ABTB2: variants seen among roughly 807,000 people sequenced by gnomAD.
ABTB2 encodes ankyrin repeat and BTB/POZ domain-containing protein 2.
In ABTB2, 56 loss-of-function variants were observed where a neutral mutation model predicts 104.1. That is an observed-to-expected ratio of 0.54 (90% CI 0.43 to 0.67). The LOEUF (loss-of-function observed/expected upper bound fraction) is 0.67. Ranked by LOEUF, ABTB2 falls within the 30% of genes least tolerant of loss-of-function variation. The probability of loss-of-function intolerance (pLI) is 0.00; values close to 1 mark genes in which losing one functional copy is unlikely to be tolerated. For synonymous variants in ABTB2, 606 were observed against 608.2 expected (o/e 1.00, Z 0.05); for missense variants, 1,279 against 1,407.7 (o/e 0.91, Z 1.46).
At chr11:34,287,322 A>G (rs2133090586) in intron 1 of ABTB2, among the ~76,000 whole-genome samples, 2 of 152,294 alleles carry the variant, frequency 1.3e-5, no homozygotes, top group Non-Finnish European at 2.9e-5. Context: ...CTGTAATCCT[A>G]GCACTTTGAG....
At chr11:34,330,127 C>T (rs184031651) in intron 1 of ABTB2, among the ~76,000 whole-genome samples, 19 of 152,278 alleles carry the variant, frequency 1.2e-4, no homozygotes, top group Admixed American at 1.2e-3. Flanking sequence ...ACTTCTGGTC[C>T]CTGCTGGGTC....
At chr11:34,329,536 G>C (rs969964822) in intron 1 of ABTB2, among the ~76,000 whole-genome samples, 2 of 152,224 alleles carry the variant, frequency 1.3e-5, no homozygotes, top group African/African-American at 4.8e-5. Context: ...CTGGTTCAAT[G>C]ATGGGGCACA....
intron 1 of ABTB2, among the ~76,000 whole-genome samples, chr11:34,286,613 T>G (rs1455308145): frequency 6.6e-6 from 1 of 151,946 alleles, no homozygotes; most frequent in Non-Finnish European, 1.5e-5. Flanking sequence ...TTAAAAAAGA[T>G]CCCCCTTTCC....
intron 4 of ABTB2, among the ~76,000 whole-genome samples, chr11:34,171,494 A>C: frequency 6.6e-6 from 1 of 152,136 alleles, no homozygotes; most frequent in Non-Finnish European, 1.5e-5. Context: ...GAATAAATTG[A>C]ACCCTGGAGG....
intron 1 of ABTB2, among the ~76,000 whole-genome samples, chr11:34,257,439 A>G (rs1023059018): frequency 1.1e-4 from 17 of 152,232 alleles, no homozygotes; most frequent in Non-Finnish European, 2.9e-5. Flanking sequence ...CCAAGGAAAG[A>G]GAAGGCTTGC....
chr11:34,282,688 G>A (rs1234643147), intron 1 of ABTB2, among the ~76,000 whole-genome samples: 1 of 151,550 alleles, frequency 6.6e-6, no homozygotes, highest in African/African-American at 2.4e-5. Context: ...CACCACACCT[G>A]GCTAATTTTT....
intron 1 of ABTB2, among the ~76,000 whole-genome samples, chr11:34,239,830 ACAAGGAT>A (rs570881833): frequency 1.4e-3 from 219 of 152,252 alleles, no homozygotes; most frequent in African/African-American, 5.1e-3. Flanking sequence ...CCACCTCTTG[ACAAGGAT>A]CCACTGGAGA....
chr11:34,312,140 C>CAAAAAAAAAAAAAAAAAAAA (rs67673538), intron 1 of ABTB2, among the ~76,000 whole-genome samples: 1 of 111,170 alleles, frequency 9.0e-6, no homozygotes. Context: ...GACTCCATCT[C>CAAAAAAAAAAAAAAAAAAAA]AAAAAAAAAA....
intron 1 of ABTB2, among the ~76,000 whole-genome samples, chr11:34,331,142 G>T (rs985349912): frequency 1.3e-5 from 2 of 152,150 alleles, no homozygotes; most frequent in African/African-American, 4.8e-5. Flanking sequence ...AAACCAAAAA[G>T]ATATTCCTTC....
chr11:34,300,084 G>A (rs1029208233), intron 1 of ABTB2, among the ~76,000 whole-genome samples: 1 of 152,176 alleles, frequency 6.6e-6, no homozygotes, highest in Non-Finnish European at 1.5e-5. Flanking sequence ...AGGTGAGGAA[G>A]GGTTCTCTTT....
At chr11:34,164,428 T>A (rs1852768165) in intron 9 of ABTB2, among the ~76,000 whole-genome samples, 1 of 152,160 alleles carries the variant, frequency 6.6e-6, no homozygotes, top group African/African-American at 2.4e-5. Context: ...CACTGGGAAA[T>A]GGGACGGTCT....
At position 34,357,649 on chromosome 11, in the gene ABTB2, A is replaced by C; in HGVS notation, c.-66T>G. 1 of 1,424,536 alleles carries C rather than the reference A, an allele frequency of 7.0e-7. No homozygotes were observed. Among genetic ancestry groups the C allele is most frequent in the Non-Finnish European group, 9.2e-7 (1 of 1,085,876 alleles). 88.2% of individuals were successfully genotyped at this position (1,424,536 alleles called of 1,614,324 possible). ...TCACAACTCCATGCCCTCTTTCCCA[A>C]GTGGGCAGAAACAAGCTCTAGGCCC... is the stretch of plus-strand genomic sequence containing the variant. On this transcript the variant is annotated 5_prime_UTR_variant, in exon 1 of 17. Transcript: ENST00000435224.
intron 1 of ABTB2, among the ~76,000 whole-genome samples, chr11:34,315,336 G>A (rs1854912942): frequency 6.6e-6 from 1 of 152,190 alleles, no homozygotes. Flanking sequence ...CAGCTGATGG[G>A]GAGAAATGAG....
chr11:34,323,704 T>C lies in ABTB2; in HGVS notation c.883+32997A>G, dbSNP rs1160584166. Among the ~76,000 whole-genome samples the C allele has an allele frequency of 5.3e-5, 8 of 152,330 alleles. No individual in the cohort carries two copies. In the South Asian group the frequency reaches 1.2e-3, roughly 24 times the overall value. Reference sequence around the variant, plus strand: ...TACTAATTATTGTCTATTTCTTCCATGTAGAACAATCTCCATGAGAAGAGT... The same window carrying C: ...TACTAATTATTGTCTATTTCTTCCACGTAGAACAATCTCCATGAGAAGAGT... On this transcript the variant is annotated intron_variant, in intron 1 of 16. Transcript: ENST00000435224.
At position 34,351,611 on chromosome 11, in the gene ABTB2, T is replaced by C. The variant is rs528966849; in HGVS notation, c.883+5090A>G. ...TTGGTAGAAATGGGGACGGTTCTGA[T>C]ATATCAAAGGAATTCAAATACAAAT... On this transcript the variant is annotated intron_variant, in intron 1 of 16. Transcript: ENST00000435224. Among the ~76,000 whole-genome samples the C allele has an allele frequency of 5.3e-5, 8 of 152,274 alleles. No homozygotes were observed. The East Asian group carries it at 1.4e-3, about 26-fold the overall frequency.
intron 1 of ABTB2, among the ~76,000 whole-genome samples, chr11:34,314,690 G>A (rs532700458): frequency 3.3e-5 from 5 of 152,272 alleles, no homozygotes; most frequent in South Asian, 4.1e-4. Flanking sequence ...CCTGGTATCC[G>A]ATGCTGGTGC....
chr11:34,174,157 T>C (rs972579785), intron 3 of ABTB2, among the ~76,000 whole-genome samples: 1 of 151,786 alleles, frequency 6.6e-6, no homozygotes, highest in Non-Finnish European at 1.5e-5. Context: ...ACACAGTCTC[T>C]GTTAAAAAAT....
At chr11:34,203,380 C>A (rs1853368038) in intron 2 of ABTB2, among the ~76,000 whole-genome samples, 1 of 152,194 alleles carries the variant, frequency 6.6e-6, no homozygotes, top group Non-Finnish European at 1.5e-5. Context: ...AAGGTGCTCT[C>A]CAGTGGACCA....
intron 1 of ABTB2, among the ~76,000 whole-genome samples, chr11:34,257,036 A>T (rs1043845452): frequency 1.3e-5 from 2 of 152,220 alleles, no homozygotes; most frequent in African/African-American, 4.8e-5. Flanking sequence ...GGTAAAACAC[A>T]AACTTATTTA....
Sources: allele counts gnomAD v4.1 joint callset (sites outside exome capture counted in the v4.1 genomes callset), GRCh38; gene constraint gnomAD v4.1.1; transcripts MANE v1.5; gene names NCBI Gene and HGNC (gene_info 2026-07-23, HGNC 2026-07-21).